Variants in ADORA2B observed in about 807,000 individuals in gnomAD.
ADORA2B encodes adenosine A2b receptor, also known as adenosine receptor A2b.
Under a neutral mutation model 20.8 loss-of-function variants are expected in ADORA2B, and 18 were observed. The ratio of observed to expected loss-of-function variants is 0.87; its 90% CI spans 0.60 to 1.29. ADORA2B has a LOEUF of 1.29. Among genes scored for constraint, ADORA2B ranks in the 50% most tolerant of loss-of-function variants. The probability of loss-of-function intolerance (pLI) is 0.00; values close to 1 mark genes in which losing one functional copy is unlikely to be tolerated. For missense variants in ADORA2B, 441 were observed against 422.7 expected, an observed-to-expected ratio of 1.04 and a Z score of -0.38; for synonymous variants, 179 against 178.3, an observed-to-expected ratio of 1.00 and a Z score of -0.03.
At chr17:15,898,712 A>G in the ADORA2B span, among the ~76,000 whole-genome samples, 2 of 152,134 alleles carry the variant, frequency 1.3e-5, no homozygotes, top group Admixed American at 6.6e-5. Flanking sequence ...TGTCTAAAGC[A>G]CTACAGAAGT....
At chr17:15,864,304 C>A in the ADORA2B span, among the ~76,000 whole-genome samples, 1 of 152,178 alleles carries the variant, frequency 6.6e-6, no homozygotes, top group Non-Finnish European at 1.5e-5. Flanking sequence ...GCATATGCAA[C>A]GGGAAGCCAG....
chr17:15,884,137 T>G, the ADORA2B span, among the ~76,000 whole-genome samples: 3 of 152,162 alleles, frequency 2.0e-5, no homozygotes, highest in Non-Finnish European at 4.4e-5. Context: ...ACACTGAAAC[T>G]GTTCCTCCAG....
chr17:15,874,070 A>T, the ADORA2B span, among the ~76,000 whole-genome samples: 1 of 85,150 alleles, frequency 1.2e-5, no homozygotes, highest in Non-Finnish European at 2.9e-5. Context: ...GTGTGTGTGT[A>T]TATATATATA....
At chr17:15,926,176 G>A in the ADORA2B span, among the ~76,000 whole-genome samples, 2 of 152,110 alleles carry the variant, frequency 1.3e-5, no homozygotes, top group African/African-American at 4.8e-5. Flanking sequence ...AGATTCCTCT[G>A]CAGATGCTCT....
the ADORA2B span, among the ~76,000 whole-genome samples, chr17:15,874,647 G>A: frequency 6.6e-6 from 1 of 152,060 alleles, no homozygotes. Context: ...AACTGTGATC[G>A]TGCTACCCTA....
intron 1 of ADORA2B, among the ~76,000 whole-genome samples, chr17:15,971,885 G>A (rs1013838600): frequency 1.3e-5 from 2 of 152,014 alleles, no homozygotes; most frequent in East Asian, 1.9e-4. Flanking sequence ...CGCCTGCCTC[G>A]GCCTCCTGAA....
At chr17:15,853,650 A>C in the ADORA2B span, among the ~76,000 whole-genome samples, 1 of 152,214 alleles carries the variant, frequency 6.6e-6, no homozygotes, top group African/African-American at 2.4e-5. Context: ...GATAGTCTGT[A>C]ATTTAAATAA....
the ADORA2B span, among the ~76,000 whole-genome samples, chr17:15,856,079 C>T: frequency 6.6e-6 from 1 of 152,088 alleles, no homozygotes; most frequent in Admixed American, 6.5e-5. Context: ...TTGTAATCTC[C>T]ATAATCCCCA....
At chr17:15,950,231 A>G (rs574485568) in intron 1 of ADORA2B, among the ~76,000 whole-genome samples, 1 of 152,340 alleles carries the variant, frequency 6.6e-6, no homozygotes, top group East Asian at 1.9e-4. Flanking sequence ...GCCACAGCCA[A>G]GGAATGAAGG....
chr17:15,953,989 T>G (rs375684686), intron 1 of ADORA2B, among the ~76,000 whole-genome samples: 1 of 152,130 alleles, frequency 6.6e-6, no homozygotes, highest in East Asian at 1.9e-4. Flanking sequence ...TTACATTTTT[T>G]TTTTTTTGAG....
At chr17:15,854,925 TC>T in the ADORA2B span, among the ~76,000 whole-genome samples, 13 of 128,666 alleles carry the variant, frequency 1.0e-4, no homozygotes, top group African/African-American at 4.7e-4. Flanking sequence ...TGGATTTAAC[TC>T]TTTTTTTTTT....
the ADORA2B span, among the ~76,000 whole-genome samples, chr17:15,881,291 C>T: frequency 5.3e-5 from 8 of 151,884 alleles, no homozygotes; most frequent in African/African-American, 1.5e-4. Context: ...TTAGTAGAGA[C>T]GGGGTTTCAC....
At chr17:15,927,955 T>G in the ADORA2B span, among the ~76,000 whole-genome samples, 1 of 152,032 alleles carries the variant, frequency 6.6e-6, no homozygotes, top group East Asian at 1.9e-4. Flanking sequence ...CCCGAGTAAC[T>G]GGGACTACAG....
chr17:15,921,672 A>C, the ADORA2B span, among the ~76,000 whole-genome samples: 1 of 152,198 alleles, frequency 6.6e-6, no homozygotes, highest in African/African-American at 2.4e-5. Flanking sequence ...TAGAGTCCTG[A>C]AAAACAGTGC....
chr17:15,881,243 G>A, the ADORA2B span, among the ~76,000 whole-genome samples: 20 of 151,970 alleles, frequency 1.3e-4, no homozygotes, highest in African/African-American at 4.6e-4. Flanking sequence ...CTGGGACTAC[G>A]GGCGTGCACC....
chr17:15,914,874 C>A, the ADORA2B span, among the ~76,000 whole-genome samples: 1,497 of 152,330 alleles, frequency 9.8e-3, 33 homozygotes, highest in African/African-American at 0.034. Flanking sequence ...TAGATCCTAA[C>A]TTCTTAGGCA....
chr17:15,860,616 A>G, the ADORA2B span, among the ~76,000 whole-genome samples: 6,221 of 152,150 alleles, frequency 0.041, 288 homozygotes, highest in African/African-American at 0.11. Flanking sequence ...ATTTTTGAAC[A>G]AGGGTTGATT....
the ADORA2B span, among the ~76,000 whole-genome samples, chr17:15,916,483 A>AG: frequency 0.2 from 30,422 of 148,772 alleles, 3,641 homozygotes; most frequent in Non-Finnish European, 0.27. Flanking sequence ...CACAACTCTA[A>AG]GGGGGGTCCG....
At chr17:15,890,905 C>A in the ADORA2B span, among the ~76,000 whole-genome samples, 9 of 152,230 alleles carry the variant, frequency 5.9e-5, no homozygotes, top group African/African-American at 1.9e-4. Context: ...GGGCTGTGCT[C>A]TCCATGTGCA....
Sources: allele counts gnomAD v4.1 joint callset (sites outside exome capture counted in the v4.1 genomes callset), GRCh38; gene constraint gnomAD v4.1.1; transcripts MANE v1.5; gene names NCBI Gene and HGNC (gene_info 2026-07-23, HGNC 2026-07-21).